Variants in PCDHA5 observed in about 807,000 individuals in gnomAD.
PCDHA5 encodes protocadherin alpha 5.
A neutral mutation model predicts 61.6 loss-of-function variants in PCDHA5; 43 were observed. The observed-to-expected ratio is 0.70, with a 90% CI of 0.55 to 0.90. The LOEUF (loss-of-function observed/expected upper bound fraction) is 0.90. PCDHA5 is among the 40% of genes least tolerant of loss of function. The pLI is 0.00. For synonymous variants in PCDHA5, 627 were observed against 543.9 expected (o/e 1.15, Z -2.13); for missense variants, 1,298 against 1,222.7 (o/e 1.06, Z -0.92).
chr5:140,967,379 A>G (rs1554229509), intron 1 of PCDHA5: 2 of 1,608,268 alleles, frequency 1.2e-6, no homozygotes, highest in East Asian at 2.2e-5. Flanking sequence ...GGAGAACAGT[A>G]AAGTGCTTGA....
intron 3 of PCDHA5, 102 bp downstream of exon 3, chr5:140,982,665 A>G (rs1318068299): frequency 2.0e-6 from 3 of 1,465,204 alleles, no homozygotes; most frequent in Middle Eastern, 2.1e-4. Context: ...TTTCTTTTAT[A>G]TTTTTGTTAT....
rs147028446 is a variant in PCDHA5 at position 140,830,275 on chromosome 5, C to G, written c.2352+6148C>G. 962 of 1,613,698 alleles carry G rather than the reference C, an allele frequency of 6.0e-4. 1 individual carries two copies. The highest frequency in any genetic ancestry group is 7.3e-4 in the Non-Finnish European group (864 of 1,179,866). ...CGCTGCGGTGCTCGGCGCCACCCAC[C>G]GAGGGCGCGTGCACGGCGGACAAGC... On this transcript the variant is annotated intron_variant, in intron 1 of 3. Transcript: ENST00000529859.
At chr5:140,851,474 T>C in intron 1 of PCDHA5, 9 of 889,824 alleles carry the variant, frequency 1.0e-5, no homozygotes, top group Non-Finnish European at 1.2e-5. Context: ...TCAATAAATG[T>C]TATAAACACA....
Position 140,876,461 on chromosome 5 carries a change from T to C in PCDHA5, c.2352+52334T>C, listed in dbSNP as rs782233071. 28 of 1,613,936 alleles carry C rather than the reference T, an allele frequency of 1.7e-5. No homozygotes were observed. In the East Asian group the frequency reaches 5.8e-4, roughly 33 times the overall value. ...GCCATTGATAAAGGGATTCCTTCCA[T>C]GGCAGGTCACAGCATGGTCCTGGTG... On this transcript the variant is annotated intron_variant, in intron 1 of 3. Coordinates refer to ENST00000529859, the MANE Select transcript of PCDHA5 (RefSeq NM_018908.3).
chr5:140,838,883 C>G (rs1775930205), intron 1 of PCDHA5, among the ~76,000 whole-genome samples: 1 of 151,746 alleles, frequency 6.6e-6, no homozygotes, highest in Non-Finnish European at 1.5e-5. Flanking sequence ...CCACTGAACT[C>G]CAGCCTAGGT....
intron 1 of PCDHA5, chr5:140,841,873 A>T: frequency 6.2e-7 from 1 of 1,613,866 alleles, no homozygotes; most frequent in Non-Finnish European, 8.5e-7. Context: ...ATGTGAATTC[A>T]AAGAACGATG....
chr5:140,836,619 G>A (rs1272044084), intron 1 of PCDHA5: 3 of 1,613,602 alleles, frequency 1.9e-6, no homozygotes, highest in Non-Finnish European at 2.5e-6. Context: ...CAGCGCGGTG[G>A]GGAGCTGGTC....
Position 140,968,026 on chromosome 5 carries a change from A to G in PCDHA5, c.2353-10923A>G, listed in dbSNP as rs570318168. 9.3e-6 allele frequency: 15 copies of G among 1,614,066 alleles called. No individual in the cohort carries two copies. In the Admixed American group the frequency reaches 1.8e-4, roughly 20 times the overall value. On this transcript the variant is annotated intron_variant, in intron 1 of 3. Transcript: ENST00000529859. ...TGAATGGCTTTGGAAACTCCTATACACTGGTGGTGAGCGGCCCACTGGACC... is the reference window on the plus strand; with the variant it reads ...TGAATGGCTTTGGAAACTCCTATACGCTGGTGGTGAGCGGCCCACTGGACC...
At chr5:140,983,588 C>T (rs530448589) in intron 3 of PCDHA5, among the ~76,000 whole-genome samples, 2 of 152,270 alleles carry the variant, frequency 1.3e-5, no homozygotes, top group East Asian at 3.9e-4. Flanking sequence ...TACATCTATT[C>T]TACATATGAG....
chr5:140,959,102 G>A (rs556528085), intron 1 of PCDHA5, among the ~76,000 whole-genome samples: 2 of 152,214 alleles, frequency 1.3e-5, no homozygotes, highest in South Asian at 4.2e-4. Flanking sequence ...ACATTCAGCA[G>A]GGGTCCGAAG....
intron 3 of PCDHA5, among the ~76,000 whole-genome samples, chr5:140,985,189 G>A (rs1440212716): frequency 3.3e-5 from 5 of 152,004 alleles, no homozygotes; most frequent in African/African-American, 9.7e-5. Context: ...CGCCTGCCTC[G>A]GTCTCCCAAA....
rs1554169291 is a variant in PCDHA5 at position 140,877,075 on chromosome 5, G to A, written c.2352+52948G>A. On this transcript the variant is annotated intron_variant, in intron 1 of 3. Transcript: ENST00000529859. ...GGAGCTGGAGCTGCTGCAGTTCCAGGTGAGCGCGCGCGACGCCGGCGTGCC... is the reference window on the plus strand; with the variant it reads ...GGAGCTGGAGCTGCTGCAGTTCCAGATGAGCGCGCGCGACGCCGGCGTGCC... 6.2e-7 allele frequency: 1 copy of A among 1,612,986 alleles called. No individual in the cohort carries two copies. The highest frequency in any genetic ancestry group is 1.1e-5 in the South Asian group (1 of 91,036).
chr5:140,837,615 C>T (rs1253493684), intron 1 of PCDHA5, among the ~76,000 whole-genome samples: 3 of 145,806 alleles, frequency 2.1e-5, no homozygotes, highest in Non-Finnish European at 4.5e-5. Flanking sequence ...TATAATTTGC[C>T]CCTTCCTTCC....
At chr5:140,986,461 C>A (rs1554248079) in intron 3 of PCDHA5, among the ~76,000 whole-genome samples, 1 of 152,154 alleles carries the variant, frequency 6.6e-6, no homozygotes. Flanking sequence ...TTAATGAATG[C>A]CCTCTTGTGA....
chr5:140,836,991 C>G (rs1167342792), intron 1 of PCDHA5: 5 of 347,512 alleles, frequency 1.4e-5, no homozygotes, highest in African/African-American at 8.6e-5. Context: ...GAGGACTTTG[C>G]TAACTGGAGC....
intron 1 of PCDHA5, among the ~76,000 whole-genome samples, chr5:140,952,839 T>G (rs1270756530): frequency 6.6e-6 from 1 of 152,210 alleles, no homozygotes; most frequent in Non-Finnish European, 1.5e-5. Context: ...GCTGGCCATC[T>G]GCTTGTCTTC....
At chr5:140,869,098 T>C (rs1581867822) in intron 1 of PCDHA5, 7 of 1,596,122 alleles carry the variant, frequency 4.4e-6, no homozygotes, top group Non-Finnish European at 5.1e-6. Flanking sequence ...GCCAATTTCG[T>C]ATGCGATGTT....
intron 2 of PCDHA5, 73 bp downstream of exon 2, chr5:140,979,080 A>T: frequency 1.3e-6 from 2 of 1,572,720 alleles, no homozygotes; most frequent in Non-Finnish European, 1.7e-6. Context: ...GCATCTCCAT[A>T]GGCCAGAAGC....
chr5:141,005,798 C>T (rs1236554438), intron 3 of PCDHA5, among the ~76,000 whole-genome samples: 1 of 143,634 alleles, frequency 7.0e-6, no homozygotes, highest in African/African-American at 2.6e-5. Context: ...GCAAAAACAA[C>T]TCCAAGGAGC....
Sources: gnomAD v4.1 joint callset for allele counts (sites outside exome capture counted in the v4.1 genomes callset) on GRCh38, gnomAD v4.1.1 for gene constraint, MANE v1.5 for transcripts, NCBI Gene and HGNC (gene_info 2026-07-23, HGNC 2026-07-21) for gene names.